Variants in PDS5B observed in about 807,000 individuals in gnomAD.
The protein encoded by PDS5B is PDS5 cohesin associated factor B.
Under a neutral mutation model 184.1 loss-of-function variants are expected in PDS5B, and 51 were observed. The observed-to-expected ratio is 0.28, with a 90% CI of 0.22 to 0.35. The LOEUF (loss-of-function observed/expected upper bound fraction) is 0.35. PDS5B is among the 10% of genes least tolerant of loss of function. PDS5B has a pLI of 1.00. For missense variants in PDS5B, 1,180 were observed against 1,723.3 expected (o/e 0.68, Z 5.58); for synonymous variants, 566 against 569.2 (o/e 0.99, Z 0.08).
At chr13:32,601,023 C>T (rs2057966248) in intron 1 of PDS5B, among the ~76,000 whole-genome samples, 1 of 152,120 alleles carries the variant, frequency 6.6e-6, no homozygotes. Context: ...ACTTTGTAGC[C>T]TTGAATAAAA....
intron 31 of PDS5B, 65 bp from the exon 32 acceptor site, chr13:32,770,056 C>T: frequency 1.4e-6 from 2 of 1,436,060 alleles, no homozygotes. Context: ...TTTTTTGTTT[C>T]ATTCCTCAAA....
chr13:32,627,576 G>A (rs2058388911), intron 1 of PDS5B, among the ~76,000 whole-genome samples: 1 of 151,956 alleles, frequency 6.6e-6, no homozygotes, highest in Non-Finnish European at 1.5e-5. Context: ...CTTTATTGCA[G>A]TTCTTTCCAT....
At chr13:32,685,094 C>G (rs1263586535) in intron 11 of PDS5B, among the ~76,000 whole-genome samples, 1 of 152,130 alleles carries the variant, frequency 6.6e-6, no homozygotes, top group Non-Finnish European at 1.5e-5. Flanking sequence ...GCCTGGGTGA[C>G]AAGAGTGAGA....
chr13:32,770,105 T>C lies in PDS5B; in HGVS notation c.3625-16T>C. ...CAATTTCATAACCATAAATTGTGAT[T>C]TTTTTTTTCCCCTAGTCTGAATTGG... On this transcript the variant is annotated splice_polypyrimidine_tract_variant and intron_variant, in intron 31 of 34. Transcript: ENST00000315596. 6.9e-7 allele frequency: 1 copy of C among 1,448,968 alleles called. No homozygotes were observed. Among genetic ancestry groups the C allele is most frequent in the Non-Finnish European group, 9.1e-7 (1 of 1,096,544 alleles). 89.8% of individuals were successfully genotyped at this position (1,448,968 alleles called of 1,614,324 possible).
rs750497573 is a variant in PDS5B at position 32,696,949 on chromosome 13, A to AT, written c.1600+53dup. 4.6e-5 allele frequency: 51 copies of AT among 1,116,790 alleles called. 1 individual carries two copies. The highest frequency in any genetic ancestry group is 2.7e-4 in the Middle Eastern group (1 of 3,686). The allele number at this position is 1,116,790 out of a possible 1,614,324, so 69.2% of individuals were successfully genotyped here. On this transcript the variant is annotated intron_variant, in intron 15 of 34. Transcript: ENST00000315596. ...ATAAAAATGTAATTTTTATTGGAAC[A>AT]TTTTTTATAATTTTAAGTGTTTCAT...
In PDS5B at chr13:32,707,031, C is replaced by G; in HGVS notation, c.1954C>G (p.Leu652Val). The G allele has an allele frequency of 6.3e-7, 1 of 1,578,430 alleles. No homozygotes were observed. Among genetic ancestry groups the G allele is most frequent in the South Asian group, 1.1e-5 (1 of 87,390 alleles). ...TCAAGCCATCAGAGCAGGTCTTGAA[C>G]TGCTTAAGGTAAGTATCTATTTAAA... is the stretch of plus-strand genomic sequence containing the variant. The part of the protein sequence containing the change: ...TDQAIRAGLE[L>V]LKVLSFTHPI... Residue 652 changes from leucine (L) to valine (V), a missense_variant, in exon 18 of 35, where the codon CTG (leucine) becomes GTG (valine). Around this residue, in one of 11 missense-constraint regions of PDS5B, gnomAD observed 475 missense variants for 691.5 expected, o/e 0.69. Transcript: ENST00000315596.
rs1593440334 is a variant in PDS5B, at chr13:32,692,414, C to CTTTTTTTTTTTTTTTTTTTTTTTTTTTTT, written c.1470-1809_1470-1808insTTTTTTTTTTTTTTTTTTTTTTTTTTTTT. ...ATTAAACAAGTTTGCGTCCAAAAAG[C>CTTTTTTTTTTTTTTTTTTTTTTTTTTTTT]CTTTTTTTTTTTTTTTTTTTTTTTT... On this transcript the variant is annotated intron_variant, in intron 13 of 34. Transcript: ENST00000315596. 3.0e-4 allele frequency among the ~76,000 whole-genome samples: 21 copies of CTTTTTTTTTTTTTTTTTTTTTTTTTTTTT among 69,152 alleles called. 10 individuals carry two copies. Among genetic ancestry groups the CTTTTTTTTTTTTTTTTTTTTTTTTTTTTT allele is most frequent in the African/African-American group, 2.0e-4 (4 of 19,840 alleles). 45.4% of individuals were successfully genotyped at this position (69,152 alleles called of 152,430 possible).
chr13:32,732,140 AC>A lies in PDS5B; in HGVS notation c.2170del (p.Arg724ValfsTer32). On this transcript the variant is annotated frameshift_variant, in exon 20 of 35. Transcript: ENST00000315596. LOFTEE classifies it high-confidence loss of function. ...TTTTACATCACAAATCTAAAAAAGG[AC>A]CCCCCCGTCAAGCCAAATATGCCAT... The part of the protein sequence containing the change: ...PVLHHKSKKG[P>X]PRQAKYAIHC... 3 of 1,606,612 alleles carry A rather than the reference AC, an allele frequency of 1.9e-6. No individual in the cohort carries two copies. Among genetic ancestry groups the A allele is most frequent in the Non-Finnish European group, 1.7e-6 (2 of 1,174,862 alleles).
chr13:32,603,368 C>T (rs2058008321), intron 1 of PDS5B, among the ~76,000 whole-genome samples: 1 of 152,152 alleles, frequency 6.6e-6, no homozygotes, highest in African/African-American at 2.4e-5. Context: ...TTCCCCATTT[C>T]TTGTTTTTGT....
chr13:32,754,406 A>G (rs1028968602), intron 25 of PDS5B, among the ~76,000 whole-genome samples: 6 of 152,142 alleles, frequency 3.9e-5, no homozygotes, highest in African/African-American at 4.8e-5. Context: ...TGTTTCATTT[A>G]CTTTCGATTA....
chr13:32,745,353 C>G (rs1593585124), intron 23 of PDS5B, among the ~76,000 whole-genome samples: 1 of 152,266 alleles, frequency 6.6e-6, no homozygotes, highest in East Asian at 1.9e-4. Context: ...CAGATTTCTT[C>G]TACGCTTGAC....
chr13:32,640,265 G>A (rs966208667), intron 1 of PDS5B, among the ~76,000 whole-genome samples: 18 of 150,730 alleles, frequency 1.2e-4, no homozygotes, highest in Admixed American at 6.6e-5. Flanking sequence ...TTTTCTTTTT[G>A]AGATGAAATC....
chr13:32,722,833 A>G (rs1952765102), intron 19 of PDS5B, among the ~76,000 whole-genome samples: 1 of 152,236 alleles, frequency 6.6e-6, no homozygotes, highest in South Asian at 2.1e-4. Context: ...CTGCCAAAGT[A>G]TGGCATGGCC....
intron 19 of PDS5B, among the ~76,000 whole-genome samples, chr13:32,716,085 G>A (rs1952395395): frequency 6.6e-6 from 1 of 151,950 alleles, no homozygotes; most frequent in East Asian, 1.9e-4. Flanking sequence ...CCACCACCCC[G>A]TCTGGGAAGT....
chr13:32,754,502 C>G (rs932176591), intron 25 of PDS5B, among the ~76,000 whole-genome samples: 3 of 152,088 alleles, frequency 2.0e-5, no homozygotes, highest in African/African-American at 7.2e-5. Flanking sequence ...AAACAATGAA[C>G]AAAACCAAGG....
Position 32,648,813 on chromosome 13 carries a change from C to G in PDS5B, c.41C>G (p.Thr14Arg). 1 of 1,563,196 alleles carries G rather than the reference C, an allele frequency of 6.4e-7. No individual in the cohort carries two copies. Among genetic ancestry groups the G allele is most frequent in the African/African-American group, 1.4e-5 (1 of 74,000 alleles). Residue 14 changes from threonine to arginine, a missense_variant, in exon 2 of 35, where the codon ACA (threonine) becomes AGA (arginine). Physicochemically the swap from Thr to Arg is moderately conservative, Grantham distance 71 (BLOSUM62 -1). Transcript: ENST00000315596. ...SKTRTNDGKI[T>R]YPPGVKEISD... is the part of the protein sequence containing the mutation. The stretch of plus-strand genomic sequence containing the variant: ...ACTAGGACCAATGATGGAAAAATTA[C>G]ATATCCGCCTGGGGTCAAGGAAATA...
At position 32,777,809 on chromosome 13, in the gene PDS5B, A is replaced by T. The variant is rs925208211; in HGVS notation, c.*2757A>T. ...GGTATTAAAGGTTAAATTGCTTTCT[A>T]TATCTTCTTATAACTTGTAAGTCTG... On this transcript the variant is annotated 3_prime_UTR_variant, in exon 35 of 35. Transcript: ENST00000315596. 6.6e-6 allele frequency: 1 copy of T among 152,392 alleles called. No homozygotes were observed. The highest frequency in any genetic ancestry group is 2.4e-5 in the African/African-American group (1 of 41,430). 9.4% of individuals were successfully genotyped at this position (152,392 alleles called of 1,614,324 possible).
intron 2 of PDS5B, chr13:32,649,934 T>G (rs1950327001): frequency 6.6e-6 from 1 of 152,188 alleles, no homozygotes; most frequent in Non-Finnish European, 1.5e-5. Flanking sequence ...TTTCTATGTA[T>G]TTACCTTCTC....
intron 1 of PDS5B, among the ~76,000 whole-genome samples, chr13:32,645,625 C>T (rs541580508): frequency 3.3e-5 from 5 of 152,164 alleles, no homozygotes; most frequent in Admixed American, 6.5e-5. Flanking sequence ...GTTGATCCTA[C>T]GCTTGTTTTC....
Sources: allele counts gnomAD v4.1 joint callset (sites outside exome capture counted in the v4.1 genomes callset), GRCh38; gene constraint gnomAD v4.1.1; regional missense constraint gnomAD v4.1.1; transcripts MANE v1.5; gene names NCBI Gene and HGNC (gene_info 2026-07-23, HGNC 2026-07-21).